The following LAMA3 variants were observed in gnomAD, a reference collection of about 807,000 sequenced individuals.
LAMA3 encodes the protein laminin subunit alpha-3.
In LAMA3, 281 loss-of-function variants were observed where a neutral mutation model predicts 402.0. The ratio of observed to expected loss-of-function variants is 0.70; its 90% CI spans 0.63 to 0.77. The LOEUF is 0.77. Among genes scored for constraint, LAMA3 ranks in the 30% least tolerant of loss-of-function variants. The pLI is 0.00. For missense variants in LAMA3, 3,840 were observed against 4,215.5 expected (o/e 0.91, Z 2.47); for synonymous variants, 1,431 against 1,558.4 (o/e 0.92, Z 1.93).
chr18:23,788,627 TG>T (rs773711927), intron 12 of LAMA3, among the ~76,000 whole-genome samples: 24 of 151,930 alleles, frequency 1.6e-4, no homozygotes, highest in Non-Finnish European at 3.2e-4. Context: ...ACAAAATGTA[TG>T]AAGAAACTAA....
At position 23,838,784 on chromosome 18, in the gene LAMA3, C is replaced by T; in HGVS notation, c.3097C>T (p.Gln1033Ter). 1.3e-6 allele frequency: 2 copies of T among 1,595,878 alleles called. No homozygotes were observed. Among genetic ancestry groups the T allele is most frequent in the African/African-American group, 1.3e-5 (1 of 74,686 alleles). The change falls in exon 26 of 75, where the codon CAA becomes TAA. Residue 1033 changes from glutamine to a stop codon, truncating the protein, a stop_gained. Coordinates refer to ENST00000313654, the MANE Select transcript of LAMA3 (RefSeq NM_198129.4). LOFTEE classifies it high-confidence loss of function. ...KGHMARFLLH[Q>*]VCIIPIEEFS... Reference sequence around the variant, plus strand: ...GTGCATTGTATTTGCTCACTAGCATCAAGTTTGTATCATACCTATTGAAGA... The same window carrying T: ...GTGCATTGTATTTGCTCACTAGCATTAAGTTTGTATCATACCTATTGAAGA...
chr18:23,892,296 G>T (rs959179186), intron 42 of LAMA3, among the ~76,000 whole-genome samples: 1 of 152,118 alleles, frequency 6.6e-6, no homozygotes, highest in African/African-American at 2.4e-5. Flanking sequence ...ATGAAATGAG[G>T]ATAGTAACTA....
At chr18:23,746,764 T>A (rs142558680) in intron 2 of LAMA3, among the ~76,000 whole-genome samples, 1,740 of 152,108 alleles carry the variant, frequency 0.011, 15 homozygotes, top group Non-Finnish European at 0.017. Flanking sequence ...AGGTCTTCAA[T>A]AATTTTTAAA....
At chr18:23,852,903 C>G (rs1168781256) in intron 32 of LAMA3, among the ~76,000 whole-genome samples, 1 of 152,146 alleles carries the variant, frequency 6.6e-6, no homozygotes, top group Non-Finnish European at 1.5e-5. Context: ...TCTCCTACTA[C>G]CCCCAAATTA....
intron 44 of LAMA3, among the ~76,000 whole-genome samples, chr18:23,896,766 A>G (rs1393328714): frequency 6.6e-6 from 1 of 152,186 alleles, no homozygotes; most frequent in Admixed American, 6.5e-5. Context: ...GGAATGTTAC[A>G]TACTCTCAAC....
chr18:23,814,691 T>C (rs933967242), intron 15 of LAMA3, among the ~76,000 whole-genome samples, 189 bp downstream of exon 15: 1 of 152,206 alleles, frequency 6.6e-6, no homozygotes, highest in Admixed American at 6.5e-5. Flanking sequence ...TAGCAAGGGA[T>C]TTCTATCCTG....
Position 23,768,870 on chromosome 18 carries a change from A to C in LAMA3, c.1183-4627A>C, listed in dbSNP as rs1412490062. 2.0e-5 allele frequency among the ~76,000 whole-genome samples: 3 copies of C among 152,242 alleles called. No homozygotes were observed. In the East Asian group the frequency reaches 5.8e-4, roughly 29 times the overall value. Reference sequence around the variant, plus strand: ...GATGCAGCTGGAGGTCATTATCCTAAGCAAATTAATGCAAAACCGGAAAAC... The same window carrying C: ...GATGCAGCTGGAGGTCATTATCCTACGCAAATTAATGCAAAACCGGAAAAC... On this transcript the variant is annotated intron_variant, in intron 8 of 74. Transcript: ENST00000313654.
chr18:23,954,572 A>G lies in LAMA3; in HGVS notation c.9926A>G (p.Asn3309Ser), dbSNP rs748828801. 8.1e-6 allele frequency: 13 copies of G among 1,613,742 alleles called. No individual in the cohort carries two copies. The highest frequency in any genetic ancestry group is 5.0e-5 in the Admixed American group (3 of 59,994). ...GGCTGTCTGAGGAATATTCATGTCA[A>G]TCACATCCCTGTCCCTGTCACTGAA... Reference protein sequence around the residue: ...FFGCLRNIHVNHIPVPVTEAL... With the variant: ...FFGCLRNIHVSHIPVPVTEAL... Residue 3309 changes from asparagine to serine, a missense_variant, in exon 75 of 75, where the codon AAT becomes AGT. This residue lies in a region of LAMA3 where 840 missense variants were observed against 981.9 expected (regional missense o/e 0.86). Transcript: ENST00000313654.
chr18:23,759,498 C>T lies in LAMA3; in HGVS notation c.1063+987C>T, dbSNP rs189255984. On this transcript the variant is annotated intron_variant, in intron 7 of 74. Coordinates refer to ENST00000313654, the MANE Select transcript of LAMA3 (RefSeq NM_198129.4). Reference sequence around the variant, plus strand: ...GCAACCTCTGCCTCCCAGGTTCAAGCGGTTCTCCTGCCTCAGCCTCTCCAG... The same window carrying T: ...GCAACCTCTGCCTCCCAGGTTCAAGTGGTTCTCCTGCCTCAGCCTCTCCAG... Among the ~76,000 whole-genome samples, 1,166 of 152,240 alleles carry T rather than the reference C, an allele frequency of 7.7e-3. 13 individuals are homozygous for T. The highest frequency in any genetic ancestry group is 0.064 in the South Asian group (308 of 4,822).
At chr18:23,827,202 A>G (rs1319492018) in intron 22 of LAMA3, 112 bp from the exon 23 acceptor site, 11 of 1,116,276 alleles carry the variant, frequency 9.9e-6, no homozygotes, top group Admixed American at 8.4e-5. Context: ...TTGAAGGATG[A>G]TGAATGAATG....
In LAMA3 at chr18:23,842,713, C is replaced by T; in HGVS notation, c.3566C>T (p.Ala1189Val). 2 of 1,614,228 alleles carry T rather than the reference C, an allele frequency of 1.2e-6. No individual in the cohort carries two copies. The highest frequency in any genetic ancestry group is 2.2e-5 in the South Asian group (2 of 91,086). ...EFDISEPEVA[A>V]TVKVPEGKSL... ...GACATCTCAGAGCCTGAAGTGGCCG[C>T]AACTGTGAAGGTTCCAGAAGGAAAG... is the stretch of plus-strand genomic sequence containing the variant. Residue 1189 changes from alanine (A) to valine (V), a missense_variant, in exon 29 of 75, where the codon GCA (alanine) becomes GTA (valine). Physicochemically the swap from Ala to Val is moderately conservative, Grantham distance 64. Transcript: ENST00000313654.
chr18:23,780,021 CAG>C (rs2143952853), intron 11 of LAMA3, among the ~76,000 whole-genome samples: 1 of 152,298 alleles, frequency 6.6e-6, no homozygotes, highest in Admixed American at 6.5e-5. Flanking sequence ...CGCTAAGACT[CAG>C]AGAGGGCCAG....
In LAMA3 at chr18:23,861,769, G is replaced by A. The variant is rs776672532; in HGVS notation, c.4546G>A (p.Ala1516Thr). 1.1e-5 allele frequency: 18 copies of A among 1,613,592 alleles called. No homozygotes were observed. Among genetic ancestry groups the A allele is most frequent in the Non-Finnish European group, 1.4e-5 (17 of 1,179,838 alleles). ...GGAGCTGCCCGCAACCATCCACAGCGCGTCCTGGGTCGCACCCACCTCCTA... is the reference window on the plus strand; with the variant it reads ...GGAGCTGCCCGCAACCATCCACAGCACGTCCTGGGTCGCACCCACCTCCTA... ...LQELPATIHS[A>T]SWVAPTSYLG... Residue 1516 changes from alanine (A) to threonine (T), a missense_variant, in exon 35 of 75, where the codon GCG becomes ACG. Physicochemically the swap from Ala to Thr is moderately conservative, Grantham distance 58. This residue lies in a region of LAMA3 where 2,109 missense variants were observed against 2,376.0 expected (regional missense o/e 0.89). Coordinates refer to ENST00000313654, the MANE Select transcript of LAMA3 (RefSeq NM_198129.4).
At chr18:23,725,573 G>C (rs913320570) in intron 2 of LAMA3, among the ~76,000 whole-genome samples, 1 of 152,166 alleles carries the variant, frequency 6.6e-6, no homozygotes, top group Admixed American at 6.5e-5. Context: ...CTCCCCATAA[G>C]GGGGGCTCCA....
chr18:23,944,943 A>G (rs2082653715), intron 69 of LAMA3, among the ~76,000 whole-genome samples: 1 of 152,124 alleles, frequency 6.6e-6, no homozygotes, highest in Non-Finnish European at 1.5e-5. Context: ...GACCAGCCCG[A>G]CCAACATGGT....
At chr18:23,782,141 A>G (rs2062449504) in intron 11 of LAMA3, among the ~76,000 whole-genome samples, 1 of 152,242 alleles carries the variant, frequency 6.6e-6, no homozygotes, top group Non-Finnish European at 1.5e-5. Context: ...AAATCTTTCC[A>G]AAATGCATGA....
At chr18:23,923,413 A>G (rs2081908215) in intron 62 of LAMA3, among the ~76,000 whole-genome samples, 1 of 152,224 alleles carries the variant, frequency 6.6e-6, no homozygotes, top group African/African-American at 2.4e-5. Flanking sequence ...AGCAACAGGG[A>G]TCAGATTCCA....
At chr18:23,737,044 T>C (rs2061488387) in intron 2 of LAMA3, among the ~76,000 whole-genome samples, 1 of 150,076 alleles carries the variant, frequency 6.7e-6, no homozygotes, top group South Asian at 2.1e-4. Context: ...AGTCCCCTCC[T>C]CCAGTGGGCA....
intron 17 of LAMA3, among the ~76,000 whole-genome samples, chr18:23,815,797 G>A (rs1309684322): frequency 6.6e-6 from 1 of 152,110 alleles, no homozygotes; most frequent in Non-Finnish European, 1.5e-5. Context: ...TGGGTTTAAT[G>A]ATAAGAAACA....
Sources: gnomAD v4.1 joint callset for allele counts (sites outside exome capture counted in the v4.1 genomes callset) on GRCh38, gnomAD v4.1.1 for gene constraint, gnomAD v4.1.1 regional missense constraint, MANE v1.5 for transcripts, NCBI Gene and HGNC (gene_info 2026-07-23, HGNC 2026-07-21) for gene names.